TEAD2: variants seen among roughly 807,000 people sequenced by gnomAD.
TEAD2 encodes the protein transcriptional enhancer factor TEF-4.
In TEAD2, 51 loss-of-function variants were observed where a neutral mutation model predicts 61.4. That is an observed-to-expected ratio of 0.83 (90% confidence interval 0.66 to 1.05). The LOEUF is 1.05. Ranked by LOEUF, TEAD2 falls within the 50% of genes least tolerant of loss-of-function variation. The pLI is 0.00. For missense variants in TEAD2, 509 were observed against 600.0 expected (o/e 0.85, Z 1.58); for synonymous variants, 244 against 243.2 (o/e 1.00, Z -0.03).
At position 49,341,695 on chromosome 19, in the gene TEAD2, A is replaced by G. The variant is rs1971279044; in HGVS notation, c.1243-258T>C. On this transcript the variant is annotated intron_variant, in intron 12 of 12. Coordinates refer to ENST00000593945, the MANE Select transcript of TEAD2 (RefSeq NM_001256660.2). This position sits in a 1 kb window ranked among gnomAD's most constrained non-coding sequence, Gnocchi z 4.2. The stretch of plus-strand genomic sequence containing the variant: ...GTTAATCGGGTTCCCATCACATCAC[A>G]TTCCCTGGGTAAAAGGGGTCCCCAT... Among the ~76,000 whole-genome samples the G allele has an allele frequency of 6.6e-6, 1 of 152,086 alleles. No homozygotes were observed. Among genetic ancestry groups the G allele is most frequent in the East Asian group, 1.9e-4 (1 of 5,176 alleles).
intron 4 of TEAD2, chr19:49,356,190 A>C (rs1469608972): frequency 2.6e-6 from 1 of 388,154 alleles, no homozygotes; most frequent in Non-Finnish European, 4.5e-6. Context: ...GGGGGTTTCT[A>C]GAACAAGGAA....
At position 49,347,219 on chromosome 19, in the gene TEAD2, G is replaced by T. The variant is rs1398554258; in HGVS notation, c.892C>A (p.Pro298Thr). Reference protein sequence around the residue: ...GLRELYDRGPPHAFFLVKFWA... With the variant: ...GLRELYDRGPTHAFFLVKFWA... ...AACTTGACCAGGAAGAAGGCATGGG[G>T]GGGGCCACGATCATATAGCTCTCGG... Residue 298 changes from proline (P) to threonine (T), a missense_variant, in exon 10 of 13, where the codon CCC becomes ACC. Transcript: ENST00000593945. 1 of 1,613,946 alleles carries T rather than the reference G, an allele frequency of 6.2e-7. No individual in the cohort carries two copies. Among genetic ancestry groups the T allele is most frequent in the Non-Finnish European group, 8.5e-7 (1 of 1,179,986 alleles).
chr19:49,361,164 G>A (rs1224508413), intron 1 of TEAD2, among the ~76,000 whole-genome samples: 5 of 101,516 alleles, frequency 4.9e-5, no homozygotes, highest in African/African-American at 2.1e-4. Flanking sequence ...CCGGGGGGGG[G>A]GGACAGGGAC....
Position 49,348,785 on chromosome 19 carries a change from C to G in TEAD2, c.665G>C (p.Trp222Ser). ...LPPPTPSPPA[W>S]QARGLGTARL... ...GGCGGTGCCCAGGCCCCGAGCCTGCCAGGCTGGGGGCGATGGGGTAGGTGG... is the reference window on the plus strand; with the variant it reads ...GGCGGTGCCCAGGCCCCGAGCCTGCGAGGCTGGGGGCGATGGGGTAGGTGG... The change falls in exon 9 of 13, where the codon TGG becomes TCG. Residue 222 changes from tryptophan to serine, a missense_variant. Physicochemically the swap from Trp to Ser is radical, Grantham distance 177 (BLOSUM62 -3). Transcript: ENST00000593945. The G allele has an allele frequency of 1.2e-6, 2 of 1,612,726 alleles. No homozygotes were observed. Among genetic ancestry groups the G allele is most frequent in the Non-Finnish European group, 1.7e-6 (2 of 1,179,460 alleles).
Position 49,357,247 on chromosome 19 carries a change from C to T in TEAD2, c.360+5G>A, listed in dbSNP as rs746387337. The T allele has an allele frequency of 1.2e-6, 2 of 1,609,514 alleles. No individual in the cohort carries two copies. The highest frequency in any genetic ancestry group is 1.7e-6 in the Non-Finnish European group (2 of 1,177,640). On this transcript the variant is annotated splice_donor_5th_base_variant and intron_variant, in intron 4 of 12. Coordinates refer to ENST00000593945, the MANE Select transcript of TEAD2 (RefSeq NM_001256660.2). Reference sequence around the variant, plus strand: ...CCCTCTCAGGATGTCTGCATTGGTCCCTACCTTCAACTTGGACTGGATTTC... The same window carrying T: ...CCCTCTCAGGATGTCTGCATTGGTCTCTACCTTCAACTTGGACTGGATTTC...
rs114941702 is a variant in TEAD2 at position 49,347,552 on chromosome 19, C to T, written c.748-189G>A. The T allele has an allele frequency of 2.4e-3, 1,477 of 627,730 alleles. 13 individuals carry two copies. The African/African-American group carries it at 0.024, about 10-fold the overall frequency. The allele number at this position is 627,730 out of a possible 1,614,324, so 38.9% of individuals were successfully genotyped here. ...GCTTCTGCACCCAGTCCCCTGCAGC[C>T]CTGCAGTCCTACAGTCCCCAACTCC... is the stretch of plus-strand genomic sequence containing the variant. On this transcript the variant is annotated intron_variant, in intron 9 of 12. Transcript: ENST00000593945.
At chr19:49,349,034 G>A (rs531185264) in intron 8 of TEAD2, 189 bp from the exon 9 acceptor site, 48 of 575,020 alleles carry the variant, frequency 8.3e-5, no homozygotes, top group African/African-American at 7.2e-4. Context: ...AAATCTGCTG[G>A]GGGGCTTCTG....
intron 11 of TEAD2, among the ~76,000 whole-genome samples, chr19:49,342,958 C>T (rs974578614): frequency 6.6e-6 from 1 of 152,120 alleles, no homozygotes; most frequent in African/African-American, 2.4e-5. Context: ...GACTTCTGAA[C>T]CTTCTTGCCC....
chr19:49,358,281 G>A (rs1392828847), intron 3 of TEAD2, among the ~76,000 whole-genome samples: 1 of 152,076 alleles, frequency 6.6e-6, no homozygotes, highest in East Asian at 1.9e-4. Flanking sequence ...CAGATGTGGA[G>A]GCGCATGCTT....
intron 8 of TEAD2, among the ~76,000 whole-genome samples, chr19:49,349,869 A>G (rs533407535): frequency 1.2e-4 from 18 of 152,348 alleles, no homozygotes; most frequent in African/African-American, 4.1e-4. Context: ...TGCAACAGCC[A>G]TCTTGGGACA....
intron 7 of TEAD2, 96 bp downstream of exon 7, chr19:49,355,052 T>C (rs1037079080): frequency 1.3e-6 from 1 of 765,638 alleles, no homozygotes; most frequent in Non-Finnish European, 2.2e-6. Context: ...CATACATAAA[T>C]GGGGGGACAC....
Position 49,362,365 on chromosome 19 carries a change from C to T in TEAD2, c.-39G>A, listed in dbSNP as rs1377073535. 6.6e-6 allele frequency: 1 copy of T among 152,256 alleles called. No homozygotes were observed. The highest frequency in any genetic ancestry group is 1.9e-4 in the East Asian group (1 of 5,188). The allele number at this position is 152,256 out of a possible 1,614,324, so 9.4% of individuals were successfully genotyped here. On this transcript the variant is annotated 5_prime_UTR_variant, in exon 1 of 13. Transcript: ENST00000593945. ...CAGGATCCCCGACTCCCGCCGGCGC[C>T]TTCCTACCTCCCGGCCTGGGGCTGG... is the stretch of plus-strand genomic sequence containing the variant.
chr19:49,357,950 T>C (rs1018308085), intron 3 of TEAD2, among the ~76,000 whole-genome samples: 1 of 151,930 alleles, frequency 6.6e-6, no homozygotes, highest in Non-Finnish European at 1.5e-5. Context: ...ACACAAAAAT[T>C]AGGGCTGGGC....
At chr19:49,354,781 C>T (rs987545656) in intron 7 of TEAD2, among the ~76,000 whole-genome samples, 14 of 152,012 alleles carry the variant, frequency 9.2e-5, no homozygotes, top group South Asian at 4.1e-4. Flanking sequence ...GGGTGGATCA[C>T]GAGGTCAGGA....
chr19:49,350,515 T>G (rs1297245674), intron 8 of TEAD2, among the ~76,000 whole-genome samples: 2 of 151,570 alleles, frequency 1.3e-5, no homozygotes, highest in African/African-American at 4.9e-5. Context: ...TTAGTAGAGG[T>G]TGGGGGGGGT....
chr19:49,343,610 A>G (rs1295083171), intron 10 of TEAD2, among the ~76,000 whole-genome samples: 4 of 151,974 alleles, frequency 2.6e-5, no homozygotes, highest in Non-Finnish European at 4.4e-5. Context: ...GTGGTGGTGC[A>G]TGCTTGTAAT....
Position 49,355,129 on chromosome 19 carries a change from CA to C in TEAD2, c.539+18del. 1 of 1,601,076 alleles carries C rather than the reference CA, an allele frequency of 6.2e-7. No individual in the cohort carries two copies. The highest frequency in any genetic ancestry group is 1.7e-5 in the Admixed American group (1 of 58,482). ...TGAGGGTGGGGGGCAGGTGCTGAGC[CA>C]GGACACATAGTACTCACTCTGGAAC... On this transcript the variant is annotated intron_variant, in intron 7 of 12. Coordinates refer to ENST00000593945, the MANE Select transcript of TEAD2 (RefSeq NM_001256660.2).
rs1002019172 is a variant in TEAD2, at chr19:49,341,030, T to TA, written c.*293_*294insT. On this transcript the variant is annotated 3_prime_UTR_variant, in exon 13 of 13. Coordinates refer to ENST00000593945, the MANE Select transcript of TEAD2 (RefSeq NM_001256660.2). The surrounding 1 kb of genome is among the most constrained non-coding windows in gnomAD (Gnocchi z 4.2). Reference sequence around the variant, plus strand: ...AAAGCCAGTGCTGTACCTGGGGGGTTGTCTCACTCCTGTCCCCACAATCCC... The same window carrying TA: ...AAAGCCAGTGCTGTACCTGGGGGGTTAGTCTCACTCCTGTCCCCACAATCCC... 4 of 312,462 alleles carry TA rather than the reference T, an allele frequency of 1.3e-5. No homozygotes were observed. The highest frequency in any genetic ancestry group is 8.6e-5 in the African/African-American group (4 of 46,528). The allele number at this position is 312,462 out of a possible 1,614,324, so 19.4% of individuals were successfully genotyped here.
At position 49,359,819 on chromosome 19, in the gene TEAD2, G is replaced by C. The variant is rs1358951795; in HGVS notation, c.232+25C>G. 18 of 1,607,580 alleles carry C rather than the reference G, an allele frequency of 1.1e-5. No individual in the cohort carries two copies. The highest frequency in any genetic ancestry group is 1.4e-5 in the Non-Finnish European group (17 of 1,176,286). Reference sequence around the variant, plus strand: ...TGTCATTATTCATCAGTGGGGGCCAGGGCAAAAGACAGAAGTAGACTCACC... The same window carrying C: ...TGTCATTATTCATCAGTGGGGGCCACGGCAAAAGACAGAAGTAGACTCACC... On this transcript the variant is annotated intron_variant, in intron 2 of 12. Coordinates refer to ENST00000593945, the MANE Select transcript of TEAD2 (RefSeq NM_001256660.2). The surrounding 1 kb of genome is among the most constrained non-coding windows in gnomAD (Gnocchi z 4.1).
Sources: gnomAD v4.1 joint callset for allele counts (sites outside exome capture counted in the v4.1 genomes callset) on GRCh38, gnomAD v4.1.1 for gene constraint, Gnocchi (gnomAD v3.1) non-coding constraint, MANE v1.5 for transcripts, NCBI Gene and HGNC (gene_info 2026-07-23, HGNC 2026-07-21) for gene names.